SNRNP70: variants seen among roughly 807,000 people sequenced by gnomAD.
SNRNP70 encodes the protein small nuclear ribonucleoprotein U1 subunit 70, also known as U1 small nuclear ribonucleoprotein 70 kDa.
SNRNP70 carries 8 observed loss-of-function variants against 50.5 expected under a neutral mutation model. That is an observed-to-expected ratio of 0.16 (90% CI 0.09 to 0.29). SNRNP70 has a LOEUF of 0.29. SNRNP70 is among the 10% of genes least tolerant of loss of function. SNRNP70 has a pLI of 1.00. For missense variants in SNRNP70, 529 were observed against 663.5 expected, an observed-to-expected ratio of 0.80 and a Z score of 2.23; for synonymous variants, 320 against 252.9, an observed-to-expected ratio of 1.27 and a Z score of -2.52.
intron 6 of SNRNP70, among the ~76,000 whole-genome samples, chr19:49,099,904 G>C (rs937369523): frequency 1.8e-4 from 27 of 152,046 alleles, no homozygotes; most frequent in African/African-American, 6.5e-4. Flanking sequence ...AGCCGAGTGT[G>C]GTGTCTCGTG....
intron 4 of SNRNP70, among the ~76,000 whole-genome samples, chr19:49,091,030 T>C (rs1395075497): frequency 5.3e-5 from 8 of 152,106 alleles, no homozygotes; most frequent in East Asian, 1.9e-4. Flanking sequence ...AGCATAGCAG[T>C]GTTTCACTCA....
intron 7 of SNRNP70, chr19:49,102,637 T>G (rs769266795): frequency 6.1e-6 from 1 of 163,328 alleles, no homozygotes; most frequent in Non-Finnish European, 1.4e-5. Flanking sequence ...CCTTTCTGTC[T>G]TCCTTACTGT....
At chr19:49,090,198 G>A in intron 2 of SNRNP70, 93 bp from the exon 3 acceptor site, 2 of 1,050,460 alleles carry the variant, frequency 1.9e-6, no homozygotes, top group Non-Finnish European at 3.0e-6. Flanking sequence ...AGGGGGTGGG[G>A]GTGGGAGGGT....
intron 7 of SNRNP70, 130 bp downstream of exon 7, chr19:49,101,601 C>G: frequency 1.6e-6 from 1 of 618,280 alleles, no homozygotes; most frequent in Non-Finnish European, 2.9e-6. Context: ...CCTCCTCCCT[C>G]TGTTTCTGAT....
At chr19:49,088,210 T>G (rs999822124) in intron 2 of SNRNP70, among the ~76,000 whole-genome samples, 1 of 147,774 alleles carries the variant, frequency 6.8e-6, no homozygotes, top group Non-Finnish European at 1.5e-5. Flanking sequence ...TTTTTTTTTT[T>G]TTTTTTTTTT....
chr19:49,099,261 GCT>G (rs2040550944), intron 6 of SNRNP70, among the ~76,000 whole-genome samples: 1 of 152,156 alleles, frequency 6.6e-6, no homozygotes, highest in Non-Finnish European at 1.5e-5. Flanking sequence ...TCTTCTCCCT[GCT>G]CTGTTTCTGA....
intron 6 of SNRNP70, 90 bp downstream of exon 6, chr19:49,098,794 G>A: frequency 2.9e-6 from 3 of 1,037,702 alleles, no homozygotes; most frequent in Non-Finnish European, 4.6e-6. Context: ...CCAGCCCTGA[G>A]CATGGCTCAC....
chr19:49,107,576 G>A lies in SNRNP70; in HGVS notation c.578-49G>A. On this transcript the variant is annotated intron_variant, in intron 8 of 9. Coordinates refer to ENST00000598441, the MANE Select transcript of SNRNP70 (RefSeq NM_003089.6). This position sits in a 1 kb window ranked among gnomAD's most constrained non-coding sequence, Gnocchi z 6.0. ...GAGTCGGCTCATTTCTGCTCCTCCG[G>A]GCCCTGTCCCTGCCCAGATTCACCC... The A allele has an allele frequency of 1.3e-6, 2 of 1,573,946 alleles. No homozygotes were observed. Among genetic ancestry groups the A allele is most frequent in the Non-Finnish European group, 8.7e-7 (1 of 1,143,736 alleles).
In SNRNP70 at chr19:49,107,468, G is replaced by C. The variant is rs1266804071; in HGVS notation, c.578-157G>C. ...AGAGAAGACGTGGCTGTCTTGTGAT[G>C]GGAGTGCGCGGGATGAACTGCACGG... is the stretch of plus-strand genomic sequence containing the variant. On this transcript the variant is annotated intron_variant, in intron 8 of 9. Transcript: ENST00000598441. The surrounding 1 kb of genome is among the most constrained non-coding windows in gnomAD (Gnocchi z 6.0). 1.3e-5 allele frequency among the ~76,000 whole-genome samples: 2 copies of C among 152,178 alleles called. No individual in the cohort carries two copies. Among genetic ancestry groups the C allele is most frequent in the South Asian group, 2.1e-4 (1 of 4,832 alleles).
intron 1 of SNRNP70, among the ~76,000 whole-genome samples, chr19:49,086,074 G>C (rs1031536764): frequency 6.6e-6 from 1 of 152,168 alleles, no homozygotes; most frequent in Admixed American, 6.5e-5. Flanking sequence ...AGCCACAGCT[G>C]CTCTGGGCCT....
intron 4 of SNRNP70, among the ~76,000 whole-genome samples, chr19:49,093,253 C>G (rs753034976): frequency 9.2e-5 from 14 of 151,962 alleles, no homozygotes; most frequent in Non-Finnish European, 1.8e-4. Flanking sequence ...CCATGCCTGG[C>G]TAATTTTGTA....
At chr19:49,092,041 C>G (rs1464172245) in intron 4 of SNRNP70, among the ~76,000 whole-genome samples, 1 of 152,168 alleles carries the variant, frequency 6.6e-6, no homozygotes, top group East Asian at 1.9e-4. Context: ...CATCACCACC[C>G]AGGTCACCTC....
chr19:49,098,164 C>A (rs528114415), intron 4 of SNRNP70, among the ~76,000 whole-genome samples: 1 of 152,320 alleles, frequency 6.6e-6, no homozygotes, highest in South Asian at 2.1e-4. Flanking sequence ...CTGCCCACAT[C>A]CTGTCAGCTT....
In SNRNP70 at chr19:49,107,725, G is replaced by A. The variant is rs1403309000; in HGVS notation, c.665+13G>A. ...GCTACGATGAGAGGTAAGATTGGGC[G>A]ACCGGTGTCCTGGGGTGGGGGGCGG... On this transcript the variant is annotated intron_variant, in intron 9 of 9. Transcript: ENST00000598441. The surrounding 1 kb of genome is among the most constrained non-coding windows in gnomAD (Gnocchi z 6.0). 17 of 1,613,766 alleles carry A rather than the reference G, an allele frequency of 1.1e-5. No individual in the cohort carries two copies. Among genetic ancestry groups the A allele is most frequent in the African/African-American group, 2.7e-5 (2 of 75,006 alleles).
intron 2 of SNRNP70, among the ~76,000 whole-genome samples, chr19:49,089,472 G>A (rs543740765): frequency 4.0e-5 from 6 of 150,818 alleles, no homozygotes; most frequent in South Asian, 2.1e-4. Flanking sequence ...CCACAACTTC[G>A]TCTCAGAAAA....
chr19:49,098,735 G>A (rs779603017), intron 6 of SNRNP70, 31 bp downstream of exon 6: 17 of 1,565,206 alleles, frequency 1.1e-5, no homozygotes, highest in Non-Finnish European at 1.4e-5. Context: ...TGTTTGAATT[G>A]GGGGTGCATG....
In SNRNP70 at chr19:49,107,891, G is replaced by C; in HGVS notation, c.762G>C (p.Arg254=). 1 of 1,550,348 alleles carries C rather than the reference G, an allele frequency of 6.5e-7. No homozygotes were observed. Among genetic ancestry groups the C allele is most frequent in the Non-Finnish European group, 8.7e-7 (1 of 1,147,872 alleles). The change falls in exon 10 of 10, where the codon CGG becomes CGC. Residue 254 remains arginine (R), a synonymous_variant. Coordinates refer to ENST00000598441, the MANE Select transcript of SNRNP70 (RefSeq NM_003089.6). The surrounding 1 kb of genome is among the most constrained non-coding windows in gnomAD (Gnocchi z 6.0). ...RSRERDKERE[R]RRSRSRDRRR... ...GGGAGCGAGACAAGGAGCGAGAACGGCGACGCTCCCGCTCCCGGGACCGGC... is the reference window on the plus strand; with the variant it reads ...GGGAGCGAGACAAGGAGCGAGAACGCCGACGCTCCCGCTCCCGGGACCGGC...
intron 4 of SNRNP70, among the ~76,000 whole-genome samples, chr19:49,095,124 C>G (rs1008151235): frequency 1.3e-5 from 2 of 152,258 alleles, no homozygotes; most frequent in African/African-American, 4.8e-5. Context: ...GGTACCATTG[C>G]TTTGCTGCAT....
At chr19:49,101,983 C>T (rs905192831) in intron 7 of SNRNP70, 1 of 430,416 alleles carries the variant, frequency 2.3e-6, no homozygotes, top group Admixed American at 2.5e-5. Context: ...GCGCCTGCCC[C>T]TACAGTTCCA....
Sources: gnomAD v4.1 joint callset for allele counts (sites outside exome capture counted in the v4.1 genomes callset) on GRCh38, gnomAD v4.1.1 for gene constraint, Gnocchi (gnomAD v3.1) non-coding constraint, MANE v1.5 for transcripts, NCBI Gene and HGNC (gene_info 2026-07-23, HGNC 2026-07-21) for gene names.